The following CYYR1 variants were observed in gnomAD, a reference collection of about 807,000 sequenced individuals.
CYYR1 encodes cysteine and tyrosine rich 1.
A neutral mutation model predicts 15.2 loss-of-function variants in CYYR1; 14 were observed. That is an observed-to-expected ratio of 0.92 (90% CI 0.61 to 1.44). The LOEUF (loss-of-function observed/expected upper bound fraction) is 1.44. Among genes scored for constraint, CYYR1 ranks in the 40% most tolerant of loss-of-function variants. The pLI is 0.00. For synonymous variants in CYYR1, 80 were observed against 77.4 expected, an observed-to-expected ratio of 1.03 and a Z score of -0.18; for missense variants, 228 against 209.5, an observed-to-expected ratio of 1.09 and a Z score of -0.54.
At chr21:26,549,006 C>G (rs1380951423) in intron 2 of CYYR1, among the ~76,000 whole-genome samples, 2 of 150,764 alleles carry the variant, frequency 1.3e-5, no homozygotes, top group Admixed American at 1.3e-4. Context: ...TGTGCAAATA[C>G]AGGCTTAAAA....
chr21:26,544,863 T>TG (rs1978841926), intron 2 of CYYR1, among the ~76,000 whole-genome samples: 1 of 151,904 alleles, frequency 6.6e-6, no homozygotes, highest in South Asian at 2.1e-4. Flanking sequence ...AGGTGGATCC[T>TG]AGGAGTTCCA....
intron 2 of CYYR1, among the ~76,000 whole-genome samples, chr21:26,542,290 CGTGTGTGTGT>C (rs55725152): frequency 3.9e-5 from 5 of 128,162 alleles, no homozygotes; most frequent in Admixed American, 8.3e-5. Context: ...TGTGTGTGTG[CGTGTGTGTGT>C]GTGTGTGTGT....
At chr21:26,513,620 T>C (rs1203195654) in intron 2 of CYYR1, among the ~76,000 whole-genome samples, 3 of 151,996 alleles carry the variant, frequency 2.0e-5, no homozygotes, top group Admixed American at 6.6e-5. Flanking sequence ...AGTTCATTAG[T>C]AGCAAAAACC....
chr21:26,550,129 T>G (rs1979278145), intron 2 of CYYR1, among the ~76,000 whole-genome samples: 1 of 152,242 alleles, frequency 6.6e-6, no homozygotes, highest in Non-Finnish European at 1.5e-5. Flanking sequence ...TATCTGTTTT[T>G]CACTATATCT....
At chr21:26,554,379 T>G (rs1164872615) in intron 2 of CYYR1, among the ~76,000 whole-genome samples, 1 of 152,144 alleles carries the variant, frequency 6.6e-6, no homozygotes, top group Admixed American at 6.5e-5. Flanking sequence ...TTTATTTAGA[T>G]TTGATTTCCT....
chr21:26,555,366 G>A (rs1979696373), intron 2 of CYYR1, among the ~76,000 whole-genome samples: 1 of 152,086 alleles, frequency 6.6e-6, no homozygotes, highest in African/African-American at 2.4e-5. Context: ...AAAAAATGTT[G>A]TATCCACACA....
chr21:26,547,828 T>A (rs1357258750), intron 2 of CYYR1, among the ~76,000 whole-genome samples: 2 of 152,100 alleles, frequency 1.3e-5, no homozygotes, highest in Admixed American at 6.5e-5. Context: ...GAAACCTCGA[T>A]TTCAACCAAT....
At chr21:26,526,340 C>T (rs566374182) in intron 2 of CYYR1, among the ~76,000 whole-genome samples, 5 of 152,086 alleles carry the variant, frequency 3.3e-5, no homozygotes, top group South Asian at 4.2e-4. Flanking sequence ...CCCAGCTACT[C>T]GGGAGGCTGA....
intron 1 of CYYR1, among the ~76,000 whole-genome samples, chr21:26,572,218 G>C (rs1280237555): frequency 1.3e-5 from 2 of 152,162 alleles, no homozygotes; most frequent in Non-Finnish European, 2.9e-5. Context: ...CCAATGAAAG[G>C]CCATTTGGGG....
intron 2 of CYYR1, among the ~76,000 whole-genome samples, chr21:26,529,117 C>G (rs1002265742): frequency 6.6e-6 from 1 of 152,108 alleles, no homozygotes; most frequent in African/African-American, 2.4e-5. Context: ...ATGTGTATTA[C>G]CACTGTTTCC....
At chr21:26,516,451 T>C (rs905468670) in intron 2 of CYYR1, among the ~76,000 whole-genome samples, 1 of 152,220 alleles carries the variant, frequency 6.6e-6, no homozygotes, top group South Asian at 2.1e-4. Context: ...CTATTGAAGT[T>C]AAAAATCTGA....
intron 2 of CYYR1, among the ~76,000 whole-genome samples, chr21:26,534,204 A>G (rs2065967049): frequency 6.6e-6 from 1 of 152,196 alleles, no homozygotes; most frequent in Admixed American, 6.5e-5. Context: ...GAGGACAGAA[A>G]TGATGTCTTA....
intron 2 of CYYR1, among the ~76,000 whole-genome samples, chr21:26,562,283 T>C (rs1346742585): frequency 6.6e-6 from 1 of 152,230 alleles, no homozygotes; most frequent in African/African-American, 2.4e-5. Flanking sequence ...TCTCAAAGTT[T>C]GCATTCCAAA....
At chr21:26,548,274 C>T (rs971944711) in intron 2 of CYYR1, among the ~76,000 whole-genome samples, 2 of 152,182 alleles carry the variant, frequency 1.3e-5, no homozygotes, top group African/African-American at 4.8e-5. Context: ...GGTTTGATTA[C>T]ATCCCTTAAT....
At chr21:26,545,705 C>T (rs1340677897) in intron 2 of CYYR1, among the ~76,000 whole-genome samples, 1 of 151,036 alleles carries the variant, frequency 6.6e-6, no homozygotes, top group African/African-American at 2.4e-5. Flanking sequence ...TCAGCCTCCC[C>T]AGTAGCTGGG....
At chr21:26,554,672 G>T (rs1239053998) in intron 2 of CYYR1, among the ~76,000 whole-genome samples, 1 of 152,140 alleles carries the variant, frequency 6.6e-6, no homozygotes, top group Non-Finnish European at 1.5e-5. Context: ...GACAGCCTGT[G>T]ACCAGAAGTG....
Position 26,573,267 on chromosome 21 carries a change from C to T in CYYR1, c.-327G>A, listed in dbSNP as rs1053266657. ...GGCCACCCAGGCTCACATTTCATCTCCGCGGGTGGCAACGACTGCGGGCAG... is the reference window on the plus strand; with the variant it reads ...GGCCACCCAGGCTCACATTTCATCTTCGCGGGTGGCAACGACTGCGGGCAG... On this transcript the variant is annotated 5_prime_UTR_variant, in exon 1 of 4. Transcript: ENST00000652641. The T allele has an allele frequency of 1.1e-5, 14 of 1,324,868 alleles. No homozygotes were observed. The Admixed American group carries it at 2.2e-4, about 21-fold the overall frequency. The allele number at this position is 1,324,868 out of a possible 1,614,324, so 82.1% of individuals were successfully genotyped here.
intron 2 of CYYR1, among the ~76,000 whole-genome samples, chr21:26,496,248 G>T (rs1177760897): frequency 6.6e-6 from 1 of 152,130 alleles, no homozygotes; most frequent in Non-Finnish European, 1.5e-5. Context: ...TTCACAAAGG[G>T]GTCTGAAGCT....
At chr21:26,543,166 C>T (rs968144931) in intron 2 of CYYR1, among the ~76,000 whole-genome samples, 4 of 152,094 alleles carry the variant, frequency 2.6e-5, no homozygotes, top group African/African-American at 9.7e-5. Flanking sequence ...AGGGGAACGG[C>T]ACACACTGGA....
Sources: gnomAD v4.1 joint callset for allele counts (sites outside exome capture counted in the v4.1 genomes callset) on GRCh38, gnomAD v4.1.1 for gene constraint, MANE v1.5 for transcripts, NCBI Gene and HGNC (gene_info 2026-07-23, HGNC 2026-07-21) for gene names.